CELF2: variants seen among roughly 807,000 people sequenced by gnomAD.
CELF2 encodes the protein CUGBP Elav-like family member 2, also known as CUG triplet repeat RNA-binding protein 2.
Under a neutral mutation model 62.6 loss-of-function variants are expected in CELF2, and 8 were observed. The observed-to-expected ratio is 0.13, with a 90% CI of 0.07 to 0.23. The LOEUF (loss-of-function observed/expected upper bound fraction) is 0.23. Ranked by LOEUF, CELF2 falls within the 10% of genes least tolerant of loss-of-function variation. The pLI is 1.00. For missense variants in CELF2, 333 were observed against 671.0 expected (o/e 0.50, Z 5.56); for synonymous variants, 258 against 250.0 (o/e 1.03, Z -0.30).
At chr10:11,281,612 G>C (rs898731467) in intron 8 of CELF2, among the ~76,000 whole-genome samples, 3 of 152,178 alleles carry the variant, frequency 2.0e-5, no homozygotes, top group African/African-American at 7.2e-5. Context: ...AGTTAGCTGG[G>C]TGTGGTGGCA....
the CELF2 span, among the ~76,000 whole-genome samples, chr10:10,768,636 C>T: frequency 1.1e-3 from 163 of 150,448 alleles, no homozygotes; most frequent in Non-Finnish European, 1.6e-3. Context: ...TGCAGTGACA[C>T]GATCTCAGCT....
At chr10:11,261,440 G>A (rs963011772) in intron 5 of CELF2, among the ~76,000 whole-genome samples, 3 of 145,284 alleles carry the variant, frequency 2.1e-5, no homozygotes, top group Non-Finnish European at 3.0e-5. Flanking sequence ...TTTGTAAGTC[G>A]TGATCTACCT....
chr10:11,175,440 A>G (rs1198540648), intron 2 of CELF2, among the ~76,000 whole-genome samples: 1 of 152,246 alleles, frequency 6.6e-6, no homozygotes, highest in Non-Finnish European at 1.5e-5. Context: ...GAGTGAAGCT[A>G]TATATAGATA....
the CELF2 span, among the ~76,000 whole-genome samples, chr10:10,464,952 G>T: frequency 6.6e-6 from 1 of 152,194 alleles, no homozygotes; most frequent in African/African-American, 2.4e-5. Flanking sequence ...GACATTACAG[G>T]CTCAAGAGAA....
the CELF2 span, among the ~76,000 whole-genome samples, chr10:10,621,039 C>T: frequency 1.7e-4 from 25 of 149,824 alleles, no homozygotes; most frequent in East Asian, 2.3e-3. Flanking sequence ...CTGGCTAACA[C>T]GGTGAAACCC....
At chr10:10,550,315 C>A in the CELF2 span, among the ~76,000 whole-genome samples, 76 of 152,170 alleles carry the variant, frequency 5.0e-4, no homozygotes, top group Non-Finnish European at 5.9e-5. Context: ...ACTGAGGATG[C>A]GGAAGAGGAA....
At chr10:11,029,602 A>G (rs978099832) in intron 1 of CELF2, among the ~76,000 whole-genome samples, 2 of 152,218 alleles carry the variant, frequency 1.3e-5, no homozygotes, top group Non-Finnish European at 2.9e-5. Context: ...AGCACTTTGC[A>G]TTAGGGTGAA....
intron 2 of CELF2, among the ~76,000 whole-genome samples, chr10:10,968,052 G>A (rs2050330597): frequency 1.3e-5 from 2 of 152,196 alleles, no homozygotes; most frequent in Admixed American, 1.3e-4. Flanking sequence ...CCTCTGGGTT[G>A]GTTTTAAGAA....
chr10:11,194,661 G>T (rs2056944897), intron 2 of CELF2, among the ~76,000 whole-genome samples: 1 of 152,178 alleles, frequency 6.6e-6, no homozygotes, highest in Non-Finnish European at 1.5e-5. Flanking sequence ...TATCAGCAAA[G>T]ATCAGTGACA....
the CELF2 span, among the ~76,000 whole-genome samples, chr10:10,720,374 C>T: frequency 2.0e-5 from 3 of 152,218 alleles, no homozygotes; most frequent in African/African-American, 4.8e-5. Context: ...CCGGAGATGG[C>T]TCTCATTGCC....
the CELF2 span, among the ~76,000 whole-genome samples, chr10:10,522,226 C>T: frequency 5.7e-4 from 87 of 152,294 alleles, no homozygotes; most frequent in African/African-American, 1.9e-3. Context: ...GTAATTCTTC[C>T]TGTTATCAAG....
At chr10:10,738,341 G>A in the CELF2 span, among the ~76,000 whole-genome samples, 2 of 152,148 alleles carry the variant, frequency 1.3e-5, no homozygotes, top group East Asian at 3.9e-4. Context: ...TTAAATGTAG[G>A]ATGTACATAG....
the CELF2 span, among the ~76,000 whole-genome samples, chr10:10,675,380 G>T: frequency 1.1e-4 from 17 of 152,144 alleles, no homozygotes; most frequent in Admixed American, 9.8e-4. Flanking sequence ...ATAAGCGGGG[G>T]TTTTTTCCCT....
At chr10:10,724,655 CA>C in the CELF2 span, among the ~76,000 whole-genome samples, 48 of 81,178 alleles carry the variant, frequency 5.9e-4, no homozygotes, top group African/African-American at 8.0e-4. Context: ...GACTCCGTCT[CA>C]AAAAAAAAAA....
At chr10:10,716,140 C>T in the CELF2 span, among the ~76,000 whole-genome samples, 95 of 152,252 alleles carry the variant, frequency 6.2e-4, 1 homozygote, top group African/African-American at 2.2e-3. Context: ...ATCCTGATAC[C>T]GTCAGCAATT....
intron 1 of CELF2, among the ~76,000 whole-genome samples, chr10:10,906,481 T>G (rs1302246811): frequency 6.6e-6 from 1 of 152,158 alleles, no homozygotes; most frequent in Non-Finnish European, 1.5e-5. Context: ...AGGAATGAAC[T>G]AGCATTGAGA....
At chr10:10,895,447 A>G (rs1028484543) in intron 1 of CELF2, among the ~76,000 whole-genome samples, 3 of 152,210 alleles carry the variant, frequency 2.0e-5, no homozygotes, top group Non-Finnish European at 4.4e-5. Context: ...CTTGTTGCTC[A>G]TAGCAAAATG....
chr10:10,697,469 A>G, the CELF2 span, among the ~76,000 whole-genome samples: 1 of 152,170 alleles, frequency 6.6e-6, no homozygotes, highest in Admixed American at 6.5e-5. Flanking sequence ...TGAGGTTGAT[A>G]TCTTAGTCTG....
the CELF2 span, among the ~76,000 whole-genome samples, chr10:10,668,560 G>A: frequency 1.3e-5 from 2 of 152,136 alleles, no homozygotes; most frequent in Non-Finnish European, 2.9e-5. Context: ...ACTTAATATC[G>A]TATTGACCCA....
Sources: gnomAD v4.1 joint callset for allele counts (sites outside exome capture counted in the v4.1 genomes callset) on GRCh38, gnomAD v4.1.1 for gene constraint, MANE v1.5 for transcripts, NCBI Gene and HGNC (gene_info 2026-07-23, HGNC 2026-07-21) for gene names.